Variants in WWTR1 observed in about 807,000 individuals in gnomAD.
WWTR1 encodes WW domain-containing transcription regulator protein 1.
WWTR1 carries 13 observed loss-of-function variants against 40.1 expected under a neutral mutation model. That is an observed-to-expected ratio of 0.32 (90% confidence interval 0.21 to 0.52). WWTR1 has a LOEUF of 0.52. Among genes scored for constraint, WWTR1 ranks in the 20% least tolerant of loss-of-function variants. WWTR1 has a pLI of 0.97. For synonymous variants in WWTR1, 230 were observed against 210.1 expected (o/e 1.09, Z -0.82); for missense variants, 436 against 523.1 (o/e 0.83, Z 1.63).
intron 5 of WWTR1, among the ~76,000 whole-genome samples, chr3:149,527,385 G>T (rs1022609192): frequency 6.6e-6 from 1 of 151,928 alleles, no homozygotes; most frequent in African/African-American, 2.4e-5. Context: ...AACCTCAGGT[G>T]ATCTGCCCAC....
intron 2 of WWTR1, among the ~76,000 whole-genome samples, chr3:149,668,168 A>G (rs892412362): frequency 6.6e-6 from 1 of 152,232 alleles, no homozygotes; most frequent in African/African-American, 2.4e-5. Context: ...CACTTCTCTC[A>G]TAAGTGTAAA....
intron 2 of WWTR1, among the ~76,000 whole-genome samples, chr3:149,586,517 C>T (rs1738434258): frequency 6.6e-6 from 1 of 152,146 alleles, no homozygotes; most frequent in Admixed American, 6.5e-5. Context: ...ATCTAGAGTT[C>T]CTATAACCCT....
intron 2 of WWTR1, among the ~76,000 whole-genome samples, chr3:149,591,163 G>A (rs763316167): frequency 3.3e-5 from 5 of 152,088 alleles, no homozygotes; most frequent in Admixed American, 6.5e-5. Context: ...AATACAAAGC[G>A]GAACGCCAAC....
At chr3:149,607,916 C>T (rs577764549) in intron 2 of WWTR1, among the ~76,000 whole-genome samples, 2 of 152,212 alleles carry the variant, frequency 1.3e-5, no homozygotes, top group East Asian at 1.9e-4. Context: ...CTGAAAAGTA[C>T]GAATAAAACC....
chr3:149,540,200 C>T, intron 4 of WWTR1: 1 of 456,280 alleles, frequency 2.2e-6, no homozygotes, highest in Non-Finnish European at 4.4e-6. Context: ...TACAATGCAA[C>T]AATGCAATTG....
chr3:149,677,937 A>ATTTT (rs34388497), intron 1 of WWTR1, among the ~76,000 whole-genome samples: 1 of 142,804 alleles, frequency 7.0e-6, no homozygotes, highest in African/African-American at 2.6e-5. Context: ...TAATTTTTGT[A>ATTTT]TTTTTTTTTT....
chr3:149,715,246 C>T (rs1715576943), intron 5 of WWTR1, among the ~76,000 whole-genome samples: 1 of 152,220 alleles, frequency 6.6e-6, no homozygotes, highest in Non-Finnish European at 1.5e-5. Flanking sequence ...TGCGGCCCTT[C>T]AGGGAGCCCA....
intron 4 of WWTR1, among the ~76,000 whole-genome samples, chr3:149,540,710 C>G (rs564529460): frequency 6.6e-6 from 1 of 151,930 alleles, no homozygotes; most frequent in African/African-American, 2.4e-5. Context: ...CTGAAATAAC[C>G]GTGAAAGTTC....
rs949973015 is a variant in WWTR1, at chr3:149,521,082, G to A, written c.1019-93C>T. The stretch of plus-strand genomic sequence containing the variant: ...GTATTTACATAACCCTCACCTTCAT[G>A]TCTTCAACTACCACATTATTGACCC... On this transcript the variant is annotated intron_variant, in intron 6 of 6. Transcript: ENST00000360632. 1.2e-5 allele frequency: 16 copies of A among 1,349,692 alleles called. No homozygotes were observed. In the Admixed American group the frequency reaches 1.3e-4, roughly 11 times the overall value. 83.6% of individuals were successfully genotyped at this position (1,349,692 alleles called of 1,614,324 possible). A position where few individuals can be genotyped will look rare whatever the true frequency, so the allele number is the denominator to read the frequency against.
At chr3:149,561,204 A>G (rs1348364071) in intron 3 of WWTR1, among the ~76,000 whole-genome samples, 1 of 152,218 alleles carries the variant, frequency 6.6e-6, no homozygotes, top group African/African-American at 2.4e-5. Flanking sequence ...TCAATAGAAG[A>G]ATTGGTTAAA....
At chr3:149,524,543 G>A (rs991806630) in intron 6 of WWTR1, among the ~76,000 whole-genome samples, 4 of 152,088 alleles carry the variant, frequency 2.6e-5, no homozygotes, top group Admixed American at 1.3e-4. Context: ...GGTGGCAGGG[G>A]GTGGTGGTGG....
chr3:149,660,875 A>C (rs1205188588), upstream of WWTR1, among the ~76,000 whole-genome samples: 1 of 152,206 alleles, frequency 6.6e-6, no homozygotes, highest in Non-Finnish European at 1.5e-5. Flanking sequence ...GTCACAGTTT[A>C]CTCATTTACA....
intron 1 of WWTR1, among the ~76,000 whole-genome samples, chr3:149,683,494 T>G (rs147366276): frequency 0.021 from 3,229 of 152,110 alleles, 66 homozygotes; most frequent in South Asian, 0.092. Context: ...AGGAATTCTA[T>G]ACCAGCCTGG....
At chr3:149,560,490 T>A (rs772064465) in intron 3 of WWTR1, among the ~76,000 whole-genome samples, 1 of 152,196 alleles carries the variant, frequency 6.6e-6, no homozygotes, top group African/African-American at 2.4e-5. Flanking sequence ...CCAATTCCAT[T>A]TGGAGAGAAA....
intron 3 of WWTR1, among the ~76,000 whole-genome samples, chr3:149,569,675 G>A (rs1002818553): frequency 1.3e-5 from 2 of 152,198 alleles, no homozygotes; most frequent in Non-Finnish European, 2.9e-5. Context: ...TGATAGTAAT[G>A]CTATTAACTG....
upstream of WWTR1, among the ~76,000 whole-genome samples, chr3:149,662,328 A>G (rs1390677153): frequency 1.3e-5 from 2 of 152,210 alleles, no homozygotes; most frequent in Non-Finnish European, 2.9e-5. Context: ...TATCTCATAA[A>G]GAAACTCCAC....
chr3:149,574,127 C>G (rs902697917), intron 2 of WWTR1, among the ~76,000 whole-genome samples: 4 of 152,080 alleles, frequency 2.6e-5, no homozygotes, highest in Admixed American at 6.6e-5. Flanking sequence ...ACATCCTGGG[C>G]TGAAGCAATC....
chr3:149,625,924 C>A (rs1409267742), intron 2 of WWTR1, among the ~76,000 whole-genome samples: 2 of 152,202 alleles, frequency 1.3e-5, no homozygotes, highest in African/African-American at 2.4e-5. Flanking sequence ...CCATGCAGCA[C>A]CCTGAGTTTA....
intron 3 of WWTR1, among the ~76,000 whole-genome samples, chr3:149,568,005 TTTTCCCTCTTTTG>T (rs1737414022): frequency 1.3e-5 from 2 of 152,306 alleles, no homozygotes; most frequent in East Asian, 1.9e-4. Context: ...CAGTCTATTT[TTTTCCCTCTTTTG>T]TTTCCCTCTT....
Sources: gnomAD v4.1 joint callset for allele counts (sites outside exome capture counted in the v4.1 genomes callset) on GRCh38, gnomAD v4.1.1 for gene constraint, MANE v1.5 for transcripts, NCBI Gene and HGNC (gene_info 2026-07-23, HGNC 2026-07-21) for gene names.